The following NUP160 variants were observed in gnomAD, a reference collection of about 807,000 sequenced individuals.
NUP160 encodes nuclear pore complex protein Nup160.
A neutral mutation model predicts 196.9 loss-of-function variants in NUP160; 94 were observed. That is an observed-to-expected ratio of 0.48 (90% CI 0.40 to 0.57). The LOEUF is 0.57. Among genes scored for constraint, NUP160 ranks in the 20% least tolerant of loss-of-function variants. The pLI, the probability that NUP160 is intolerant of heterozygous loss-of-function variation, is 0.00. For missense variants in NUP160, 1,638 were observed against 1,748.3 expected (o/e 0.94, Z 1.13); for synonymous variants, 605 against 619.7 (o/e 0.98, Z 0.35).
At chr11:47,825,478 A>G (rs1484309137) in intron 7 of NUP160, among the ~76,000 whole-genome samples, 2 of 138,828 alleles carry the variant, frequency 1.4e-5, no homozygotes, top group African/African-American at 2.7e-5. Flanking sequence ...TTTGAGACGG[A>G]GTATCGCTCT....
intron 29 of NUP160, among the ~76,000 whole-genome samples, chr11:47,789,380 G>C (rs1229263829): frequency 1.3e-5 from 2 of 152,028 alleles, no homozygotes; most frequent in Non-Finnish European, 2.9e-5. Context: ...ACCAAACTGT[G>C]AGAGGCAGAA....
At position 47,794,411 on chromosome 11, in the gene NUP160, T is replaced by C. The variant is rs1022317693; in HGVS notation, c.3290-1465A>G. On this transcript the variant is annotated intron_variant, in intron 27 of 35. Transcript: ENST00000378460. ...AATGGCGTGAACCCGGGAGGTGGAG[T>C]TTGCAGTGAGCCGAGATTGCGCCAC... is the stretch of plus-strand genomic sequence containing the variant. Among the ~76,000 whole-genome samples the C allele has an allele frequency of 7.3e-5, 11 of 150,256 alleles. No individual in the cohort carries two copies. The South Asian group carries it at 1.9e-3, about 26-fold the overall frequency.
rs572953780 is a variant in NUP160, at chr11:47,848,404, G to A, written c.17C>T (p.Ala6Val). Residue 6 changes from alanine (A) to valine (V), a missense_variant, in exon 1 of 36, where the codon GCA becomes GTA. Transcript: ENST00000378460. ...TTCCGGGGGTGGGGCGGGCGGAGCT[G>A]CGGACAGGTGAAGCATTCCGGGAGC... is the stretch of plus-strand genomic sequence containing the variant. The A allele has an allele frequency of 6.1e-5, 97 of 1,587,864 alleles. 2 individuals are homozygous for A. In the South Asian group the frequency reaches 1.0e-3, roughly 17 times the overall value.
intron 6 of NUP160, 50 bp from the exon 7 acceptor site, chr11:47,835,859 G>A (rs548208915): frequency 2.9e-6 from 4 of 1,393,032 alleles, no homozygotes; most frequent in Non-Finnish European, 3.9e-6. Flanking sequence ...ATTCAGGCTA[G>A]AAGAACATAC....
At chr11:47,826,353 G>A (rs1211147429) in intron 7 of NUP160, among the ~76,000 whole-genome samples, 1 of 152,148 alleles carries the variant, frequency 6.6e-6, no homozygotes, top group Non-Finnish European at 1.5e-5. Context: ...GTGTTACATA[G>A]CTGTCAAAAA....
intron 13 of NUP160, among the ~76,000 whole-genome samples, chr11:47,814,153 CAAACAAACAAACAAAA>C (rs2097682859): frequency 6.9e-6 from 1 of 145,094 alleles, no homozygotes; most frequent in South Asian, 2.2e-4. Context: ...AACAAACAAA[CAAACAAACAAACAAAA>C]AAAAGAAACA....
At chr11:47,798,941 T>TAA (rs57343652) in intron 23 of NUP160, among the ~76,000 whole-genome samples, 15 of 112,012 alleles carry the variant, frequency 1.3e-4, no homozygotes, top group African/African-American at 2.7e-4. Context: ...TCTCTATTAT[T>TAA]AAAAAAAAAA....
chr11:47,795,851 C>T (rs2097670575), intron 27 of NUP160, among the ~76,000 whole-genome samples: 1 of 151,830 alleles, frequency 6.6e-6, no homozygotes, highest in African/African-American at 2.4e-5. Context: ...GTGAGGGATG[C>T]GCTATAAAAA....
At chr11:47,824,036 T>C (rs1851917723) in intron 7 of NUP160, among the ~76,000 whole-genome samples, 1 of 125,996 alleles carries the variant, frequency 7.9e-6, no homozygotes, top group Admixed American at 8.6e-5. Context: ...TATATATATA[T>C]ATATATATAT....
intron 21 of NUP160, among the ~76,000 whole-genome samples, chr11:47,804,101 A>G (rs2097676018): frequency 6.6e-6 from 1 of 151,924 alleles, no homozygotes; most frequent in South Asian, 2.1e-4. Flanking sequence ...GAATTGCTTG[A>G]ACCCAGGAGG....
At chr11:47,790,968 T>C (rs1235246564) in intron 29 of NUP160, among the ~76,000 whole-genome samples, 1 of 152,222 alleles carries the variant, frequency 6.6e-6, no homozygotes, top group East Asian at 1.9e-4. Context: ...CCTTTTGCTT[T>C]AAGTTGTTGT....
Position 47,783,067 on chromosome 11 carries a change from G to T in NUP160, c.4116+6C>A. The T allele has an allele frequency of 1.9e-6, 3 of 1,611,734 alleles. No individual in the cohort carries two copies. Among genetic ancestry groups the T allele is most frequent in the Non-Finnish European group, 1.7e-6 (2 of 1,178,422 alleles). On this transcript the variant is annotated splice_donor_region_variant and intron_variant, in intron 34 of 35. Transcript: ENST00000378460. ...TGTAAATTGGGGACCATTTGTATAT[G>T]CCTACCTCAATTCCGAAGTATTGAT...
intron 33 of NUP160, among the ~76,000 whole-genome samples, chr11:47,784,225 T>C (rs2097663215): frequency 6.6e-6 from 1 of 152,236 alleles, no homozygotes; most frequent in Non-Finnish European, 1.5e-5. Context: ...AATCTGATTC[T>C]GTAAGTCTAG....
Position 47,837,683 on chromosome 11 carries a change from A to G in NUP160, c.749-60T>C, listed in dbSNP as rs1442972828. 10 of 1,273,172 alleles carry G rather than the reference A, an allele frequency of 7.9e-6. No individual in the cohort carries two copies. The East Asian group carries it at 2.3e-4, about 29-fold the overall frequency. The allele number at this position is 1,273,172 out of a possible 1,614,324, so 78.9% of individuals were successfully genotyped here. A position where few individuals can be genotyped will look rare whatever the true frequency, so the allele number is the denominator to read the frequency against. On this transcript the variant is annotated intron_variant, in intron 4 of 35. Coordinates refer to ENST00000378460, the Ensembl canonical transcript of NUP160. Reference sequence around the variant, plus strand: ...TTAGAGAAACCCAAAGGCAAGAATGATGTAACCATGAACAAGGTCTTTATA... The same window carrying G: ...TTAGAGAAACCCAAAGGCAAGAATGGTGTAACCATGAACAAGGTCTTTATA...
intron 2 of NUP160, 68 bp downstream of exon 2, chr11:47,847,780 G>A: frequency 2.9e-6 from 3 of 1,030,370 alleles, no homozygotes; most frequent in South Asian, 2.5e-5. Flanking sequence ...AGCACTTTGG[G>A]TACAGCGACG....
chr11:47,834,205 T>C (rs1413440484), intron 7 of NUP160, among the ~76,000 whole-genome samples: 3 of 152,188 alleles, frequency 2.0e-5, no homozygotes, highest in Non-Finnish European at 4.4e-5. Context: ...AAGAGTATAA[T>C]AGGGTCCCGA....
intron 2 of NUP160, among the ~76,000 whole-genome samples, chr11:47,842,903 G>A (rs772229232): frequency 3.4e-4 from 51 of 152,050 alleles, no homozygotes; most frequent in African/African-American, 1.1e-3. Context: ...TGGGAGGATC[G>A]ATTGAGCCTA....
chr11:47,806,104 AT>A, intron 20 of NUP160, 48 bp downstream of exon 20: 1 of 1,581,668 alleles, frequency 6.3e-7, no homozygotes, highest in Non-Finnish European at 8.7e-7. Flanking sequence ...GTGAGCCAAC[AT>A]GCCCGGCCAG....
At chr11:47,795,405 TA>T (rs1413004173) in intron 27 of NUP160, among the ~76,000 whole-genome samples, 1 of 152,218 alleles carries the variant, frequency 6.6e-6, no homozygotes, top group Non-Finnish European at 1.5e-5. Flanking sequence ...AGATCTTTAA[TA>T]ATTTTTATTT....
Sources: gnomAD v4.1 joint callset for allele counts (sites outside exome capture counted in the v4.1 genomes callset) on GRCh38, gnomAD v4.1.1 for gene constraint, MANE v1.5 for transcripts, NCBI Gene and HGNC (gene_info 2026-07-23, HGNC 2026-07-21) for gene names.